CIMAP1D: variants seen among roughly 807,000 people sequenced by gnomAD.
CIMAP1D encodes CIMAP1 family member D.
At chr19:489,935 G>T in the CIMAP1D span, 2 of 397,652 alleles carry the variant, frequency 5.0e-6, no homozygotes, top group Non-Finnish European at 8.9e-6. Flanking sequence ...ACCCACATTT[G>T]GCCCCTGCCC....
chr19:486,738 C>T, the CIMAP1D span, among the ~76,000 whole-genome samples: 1 of 151,690 alleles, frequency 6.6e-6, no homozygotes, highest in Non-Finnish European at 1.5e-5. Flanking sequence ...TACAGTGAAA[C>T]CCCGTCTCTA....
At chr19:474,163 C>A in the CIMAP1D span, among the ~76,000 whole-genome samples, 7 of 152,196 alleles carry the variant, frequency 4.6e-5, no homozygotes, top group Non-Finnish European at 1.0e-4. Flanking sequence ...TGACTCCAGC[C>A]GCTAATTGTG....
chr19:472,627 G>A, the CIMAP1D span: 2 of 574,406 alleles, frequency 3.5e-6, no homozygotes, highest in Non-Finnish European at 6.0e-6. Context: ...GGGGCCCCGG[G>A]GAGCAAGAGG....
the CIMAP1D span, among the ~76,000 whole-genome samples, chr19:482,946 C>G: frequency 6.6e-6 from 1 of 152,170 alleles, no homozygotes; most frequent in African/African-American, 2.4e-5. Context: ...GCCCATGAAC[C>G]AGGGTTTCTG....
the CIMAP1D span, among the ~76,000 whole-genome samples, chr19:475,159 C>G: frequency 6.6e-6 from 1 of 152,028 alleles, no homozygotes; most frequent in Non-Finnish European, 1.5e-5. Context: ...GGTGGCGTGG[C>G]CCCGTTTCTA....
At chr19:463,632 A>C in the CIMAP1D span, 1 of 684,998 alleles carries the variant, frequency 1.5e-6, no homozygotes. Flanking sequence ...GGGGCACTGG[A>C]AGGAGACTCA....
the CIMAP1D span, among the ~76,000 whole-genome samples, chr19:481,487 GGGAAGGATGAT>G: frequency 0.022 from 1,813 of 84,216 alleles, 193 homozygotes; most frequent in Non-Finnish European, 0.024. Context: ...GAAGGATGAT[GGGAAGGATGAT>G]GGGAAGGATG....
the CIMAP1D span, among the ~76,000 whole-genome samples, chr19:468,364 T>C: frequency 6.6e-6 from 1 of 151,202 alleles, no homozygotes. Flanking sequence ...AGATGGAGTC[T>C]CAAAAGAAAA....
the CIMAP1D span, among the ~76,000 whole-genome samples, chr19:476,782 A>G: frequency 1.3e-5 from 2 of 152,242 alleles, no homozygotes; most frequent in Non-Finnish European, 2.9e-5. Context: ...TAACCCACGC[A>G]TCAAAGAAGT....
the CIMAP1D span, chr19:490,013 TAGAA>T: frequency 7.5e-6 from 3 of 398,272 alleles, no homozygotes; most frequent in Admixed American, 8.8e-5. Context: ...GCGGCCACGA[TAGAA>T]AGAAGAAAAG....
chr19:481,969 T>A, the CIMAP1D span, among the ~76,000 whole-genome samples: 6 of 151,922 alleles, frequency 3.9e-5, no homozygotes, highest in African/African-American at 1.5e-4. Context: ...GGAGATGGGA[T>A]CTTGCTATGT....
the CIMAP1D span, among the ~76,000 whole-genome samples, chr19:468,030 G>A: frequency 1.3e-5 from 2 of 152,138 alleles, no homozygotes; most frequent in East Asian, 1.9e-4. Flanking sequence ...TAACCTCTGC[G>A]CAGGTGTGGG....
chr19:487,058 G>T, the CIMAP1D span, among the ~76,000 whole-genome samples: 1 of 152,072 alleles, frequency 6.6e-6, no homozygotes, highest in African/African-American at 2.4e-5. Context: ...GGCCTATCGG[G>T]ACCACAGATT....
At chr19:479,424 G>A in the CIMAP1D span, among the ~76,000 whole-genome samples, 3 of 97,138 alleles carry the variant, frequency 3.1e-5, no homozygotes, top group African/African-American at 1.3e-4. Flanking sequence ...GGGGGGGGGG[G>A]ATGGAGTTTC....
At chr19:481,263 A>AGGATGACGGAG in the CIMAP1D span, among the ~76,000 whole-genome samples, 1 of 144,540 alleles carries the variant, frequency 6.9e-6, no homozygotes, top group African/African-American at 2.6e-5. Context: ...GATGATGGGA[A>AGGATGACGGAG]AAGATGATGG....
chr19:475,625 C>A, the CIMAP1D span, among the ~76,000 whole-genome samples: 1 of 152,138 alleles, frequency 6.6e-6, no homozygotes, highest in Non-Finnish European at 1.5e-5. Context: ...TCCCAGATGC[C>A]TCCGAGATTT....
chr19:479,433 T>G, the CIMAP1D span, among the ~76,000 whole-genome samples: 7 of 141,096 alleles, frequency 5.0e-5, 1 homozygote, highest in Admixed American at 5.0e-4. Flanking sequence ...GGATGGAGTT[T>G]CACCCTTGTC....
chr19:490,291 G>A, the CIMAP1D span: 1 of 275,222 alleles, frequency 3.6e-6, no homozygotes, highest in Non-Finnish European at 6.7e-6. Context: ...GTGAGGTGGA[G>A]GTTGCAGTGA....
At chr19:463,539 C>T in the CIMAP1D span, 2 of 459,452 alleles carry the variant, frequency 4.4e-6, no homozygotes, top group Admixed American at 4.1e-5. Context: ...GAAGCTCCAT[C>T]TCCAGCCAGC....
Sources: gnomAD v4.1 joint callset for allele counts (sites outside exome capture counted in the v4.1 genomes callset) on GRCh38, gnomAD v4.1.1 for gene constraint, MANE v1.5 for transcripts, NCBI Gene and HGNC (gene_info 2026-07-23, HGNC 2026-07-21) for gene names.